Variants in PDZRN4 observed in about 807,000 individuals in gnomAD.
PDZRN4 encodes the protein PDZ domain containing ring finger 4.
Under a neutral mutation model 99.0 loss-of-function variants are expected in PDZRN4, and 70 were observed. That is an observed-to-expected ratio of 0.71 (90% CI 0.58 to 0.86). PDZRN4 has a LOEUF of 0.86. PDZRN4 is among the 40% of genes least tolerant of loss of function. PDZRN4 has a pLI of 0.00. For missense variants in PDZRN4, 1,474 were observed against 1,331.2 expected, an observed-to-expected ratio of 1.11 and a Z score of -1.67; for synonymous variants, 551 against 501.6, an observed-to-expected ratio of 1.10 and a Z score of -1.32.
chr12:41,236,220 T>C (rs966390836), intron 3 of PDZRN4, among the ~76,000 whole-genome samples: 1 of 152,156 alleles, frequency 6.6e-6, no homozygotes. Flanking sequence ...TTATCTTATT[T>C]GTGCCTTTGT....
At chr12:41,458,795 C>A (rs1283421484) in intron 3 of PDZRN4, among the ~76,000 whole-genome samples, 4 of 152,030 alleles carry the variant, frequency 2.6e-5, no homozygotes, top group Non-Finnish European at 5.9e-5. Flanking sequence ...AGAATAGGGG[C>A]AGAGAGCTGG....
chr12:41,547,178 T>C (rs1241897200), intron 5 of PDZRN4, among the ~76,000 whole-genome samples: 1 of 152,200 alleles, frequency 6.6e-6, no homozygotes, highest in Non-Finnish European at 1.5e-5. Context: ...GAAAAAACCT[T>C]CCTGATGTAA....
chr12:41,218,113 T>C (rs1173160505), intron 3 of PDZRN4, among the ~76,000 whole-genome samples: 1 of 152,140 alleles, frequency 6.6e-6, no homozygotes, highest in African/African-American at 2.4e-5. Context: ...AATGAACCTA[T>C]TAAAAGAATT....
intron 3 of PDZRN4, among the ~76,000 whole-genome samples, chr12:41,425,552 G>C (rs1277128830): frequency 6.6e-6 from 1 of 151,984 alleles, no homozygotes; most frequent in Admixed American, 6.6e-5. Flanking sequence ...AAATATAATT[G>C]TGTTTTTCTC....
At chr12:41,253,196 G>T (rs1951182397) in intron 3 of PDZRN4, among the ~76,000 whole-genome samples, 1 of 152,002 alleles carries the variant, frequency 6.6e-6, no homozygotes, top group African/African-American at 2.4e-5. Context: ...GTCTATTTTT[G>T]CTTTGGTTGC....
At chr12:41,478,425 A>T in intron 3 of PDZRN4, among the ~76,000 whole-genome samples, 1 of 152,184 alleles carries the variant, frequency 6.6e-6, no homozygotes, top group East Asian at 1.9e-4. Flanking sequence ...CTGTAAAATT[A>T]AATATACTTA....
At chr12:41,336,566 G>C (rs1336256106) in intron 3 of PDZRN4, among the ~76,000 whole-genome samples, 2 of 152,142 alleles carry the variant, frequency 1.3e-5, no homozygotes, top group East Asian at 3.9e-4. Flanking sequence ...CACCTTGCCT[G>C]CTGCCTAGAC....
In PDZRN4 at chr12:41,426,326, C is replaced by T. The variant is rs562026524; in HGVS notation, c.844-80130C>T. Among the ~76,000 whole-genome samples the T allele has an allele frequency of 3.9e-5, 6 of 152,282 alleles. No individual in the cohort carries two copies. In the South Asian group the frequency reaches 1.0e-3, roughly 26 times the overall value. ...AGAAGCTAAATCCCAGCCTGTCCCA[C>T]AGGTCTAGTAAGAATTTACTCACCT... On this transcript the variant is annotated intron_variant, in intron 3 of 9. Coordinates refer to ENST00000402685, the MANE Select transcript of PDZRN4 (RefSeq NM_001164595.2).
Position 41,188,639 on chromosome 12 carries a change from G to C in PDZRN4, c.184G>C (p.Gly62Arg). The C allele has an allele frequency of 3.9e-6, 6 of 1,541,554 alleles. No individual in the cohort carries two copies. Among genetic ancestry groups the C allele is most frequent in the Non-Finnish European group, 5.2e-6 (6 of 1,150,880 alleles). ...CPLQCQPLAP[G>R]ELYRVLPLRS... ...GCTGCAGTGCCAGCCCTTGGCGCCC[G>C]GCGAGCTGTACCGGGTGCTGCCGCT... Residue 62 changes from glycine (G) to arginine (R), a missense_variant, in exon 1 of 10, where the codon GGC becomes CGC. Gly to Arg is a moderately radical substitution (Grantham distance 125). Coordinates refer to ENST00000402685, the MANE Select transcript of PDZRN4 (RefSeq NM_001164595.2).
At chr12:41,396,188 G>A (rs1223919539) in intron 3 of PDZRN4, among the ~76,000 whole-genome samples, 1 of 152,002 alleles carries the variant, frequency 6.6e-6, no homozygotes, top group African/African-American at 2.4e-5. Context: ...GCAGGTAAAG[G>A]GGCTGTGAAC....
chr12:41,191,943 C>T (rs1319321619), intron 2 of PDZRN4, among the ~76,000 whole-genome samples: 3 of 151,730 alleles, frequency 2.0e-5, no homozygotes, highest in Admixed American at 6.6e-5. Flanking sequence ...CCACCACACC[C>T]GGCTAATTTT....
chr12:41,442,395 G>A (rs1014705303), intron 3 of PDZRN4, among the ~76,000 whole-genome samples: 3 of 151,834 alleles, frequency 2.0e-5, no homozygotes, highest in East Asian at 1.9e-4. Context: ...TCCCACCTTC[G>A]GACTCCTTTT....
intron 3 of PDZRN4, among the ~76,000 whole-genome samples, chr12:41,209,917 A>C (rs200686825): frequency 0.4 from 58,861 of 145,728 alleles, 14,015 homozygotes; most frequent in Admixed American, 0.54. Flanking sequence ...CTGAGGAATC[A>C]CCACACTGAC....
intron 3 of PDZRN4, among the ~76,000 whole-genome samples, chr12:41,490,355 G>T (rs910661134): frequency 6.6e-6 from 1 of 152,078 alleles, no homozygotes; most frequent in African/African-American, 2.4e-5. Context: ...AAGGCTTTTT[G>T]TGTATAGTAT....
At chr12:41,394,323 A>G (rs967797999) in intron 3 of PDZRN4, among the ~76,000 whole-genome samples, 1 of 152,166 alleles carries the variant, frequency 6.6e-6, no homozygotes, top group Non-Finnish European at 1.5e-5. Flanking sequence ...TATTCGGTCT[A>G]TTGCAGGACA....
chr12:41,500,850 A>G (rs1225685162), intron 3 of PDZRN4, among the ~76,000 whole-genome samples: 1 of 152,090 alleles, frequency 6.6e-6, no homozygotes, highest in Non-Finnish European at 1.5e-5. Flanking sequence ...TTCTCTACCA[A>G]ACATTTCAGC....
rs1244307367 is a variant in PDZRN4 at position 41,197,246 on chromosome 12, TA to T, written c.843+3063del. On this transcript the variant is annotated intron_variant, in intron 3 of 9. Coordinates refer to ENST00000402685, the MANE Select transcript of PDZRN4 (RefSeq NM_001164595.2). ...TTAAAGGTTTTGTTCTGTTGGTGGTTAAAAAGATTTTATAAACTCTAATAAA... is the reference window on the plus strand; with the variant it reads ...TTAAAGGTTTTGTTCTGTTGGTGGTTAAAAGATTTTATAAACTCTAATAAA... Among the ~76,000 whole-genome samples the T allele has an allele frequency of 1.2e-3, 186 of 152,222 alleles. 1 individual carries two copies. Among genetic ancestry groups the T allele is most frequent in the African/African-American group, 4.3e-3 (178 of 41,558 alleles).
chr12:41,440,403 G>A (rs1314012603), intron 3 of PDZRN4, among the ~76,000 whole-genome samples: 2 of 152,032 alleles, frequency 1.3e-5, no homozygotes, highest in Admixed American at 6.6e-5. Context: ...ACTTTTCCAC[G>A]TTTTCTTTCT....
intron 5 of PDZRN4, among the ~76,000 whole-genome samples, chr12:41,515,778 C>A (rs1037782280): frequency 1.3e-5 from 2 of 152,000 alleles, no homozygotes; most frequent in Non-Finnish European, 2.9e-5. Context: ...TGTAGCCAGT[C>A]CCTAGTCTTT....
Sources: allele counts gnomAD v4.1 joint callset (sites outside exome capture counted in the v4.1 genomes callset), GRCh38; gene constraint gnomAD v4.1.1; transcripts MANE v1.5; gene names NCBI Gene and HGNC (gene_info 2026-07-23, HGNC 2026-07-21).